Variants in SLC4A4 observed in about 807,000 individuals in gnomAD.
SLC4A4 encodes electrogenic sodium bicarbonate cotransporter 1.
In SLC4A4, 27 loss-of-function variants were observed where a neutral mutation model predicts 111.5. The ratio of observed to expected loss-of-function variants is 0.24; its 90% CI spans 0.18 to 0.33. The LOEUF is 0.33. Among genes scored for constraint, SLC4A4 ranks in the 10% least tolerant of loss-of-function variants. SLC4A4 has a pLI of 1.00. For synonymous variants in SLC4A4, 443 were observed against 463.4 expected (o/e 0.96, Z 0.57); for missense variants, 909 against 1,315.5 (o/e 0.69, Z 4.78).
chr4:71,291,317 C>G (rs564927229), intron 3 of SLC4A4, among the ~76,000 whole-genome samples: 4 of 152,042 alleles, frequency 2.6e-5, no homozygotes, highest in Non-Finnish European at 5.9e-5. Flanking sequence ...TACCCTAAAA[C>G]TTAAAGTATA....
chr4:71,380,036 G>A (rs61594597), intron 6 of SLC4A4, among the ~76,000 whole-genome samples: 3,030 of 149,694 alleles, frequency 0.02, 104 homozygotes, highest in African/African-American at 0.073. Flanking sequence ...ATGAGGTAAC[G>A]TAAACCTAGA....
chr4:71,421,663 G>A (rs1177158563), intron 7 of SLC4A4, among the ~76,000 whole-genome samples: 3 of 152,106 alleles, frequency 2.0e-5, no homozygotes. Flanking sequence ...AATCAAACTA[G>A]AACTCAGGAT....
intron 2 of SLC4A4, among the ~76,000 whole-genome samples, chr4:71,095,615 A>G (rs558689575): frequency 1.6e-4 from 25 of 152,158 alleles, no homozygotes; most frequent in Non-Finnish European, 2.8e-4. Flanking sequence ...CCTCCCTCCT[A>G]TAATTATTAA....
intron 2 of SLC4A4, among the ~76,000 whole-genome samples, chr4:71,107,613 T>C (rs1742975367): frequency 6.6e-6 from 1 of 152,192 alleles, no homozygotes; most frequent in African/African-American, 2.4e-5. Flanking sequence ...CCTCTCAAAG[T>C]GCCGGGATTA....
intron 1 of SLC4A4, among the ~76,000 whole-genome samples, chr4:71,214,394 T>C (rs77442501): frequency 0.017 from 2,615 of 152,254 alleles, 58 homozygotes; most frequent in African/African-American, 0.055. Flanking sequence ...TCAAGAAAGT[T>C]GGTGATCTCA....
At chr4:71,426,755 G>A (rs1416877085) in intron 7 of SLC4A4, among the ~76,000 whole-genome samples, 3 of 152,060 alleles carry the variant, frequency 2.0e-5, no homozygotes, top group Non-Finnish European at 4.4e-5. Flanking sequence ...CTAAAGTAAT[G>A]GAATATTAGA....
At chr4:71,466,415 A>G in intron 12 of SLC4A4, 29 bp from the exon 13 acceptor site, 1 of 1,612,890 alleles carries the variant, frequency 6.2e-7, no homozygotes, top group South Asian at 1.1e-5. Context: ...GATGTGTTTC[A>G]TTTAACATCT....
intron 20 of SLC4A4, among the ~76,000 whole-genome samples, chr4:71,552,587 G>T (rs1187288493): frequency 6.6e-6 from 1 of 151,858 alleles, no homozygotes; most frequent in Non-Finnish European, 1.5e-5. Flanking sequence ...GAAAAATTTG[G>T]TGACATGGTC....
intron 2 of SLC4A4, among the ~76,000 whole-genome samples, chr4:71,100,735 C>A (rs565654451): frequency 6.6e-6 from 1 of 152,246 alleles, no homozygotes; most frequent in Non-Finnish European, 1.5e-5. Context: ...AGGTGATAAA[C>A]AACTTCAGCA....
intron 13 of SLC4A4, among the ~76,000 whole-genome samples, chr4:71,472,421 C>T (rs953261731): frequency 2.8e-4 from 43 of 151,776 alleles, no homozygotes; most frequent in African/African-American, 1.0e-3. Context: ...AAGGTAGGGA[C>T]CATATTTTTT....
intron 6 of SLC4A4, among the ~76,000 whole-genome samples, chr4:71,368,875 C>T (rs1387399710): frequency 2.0e-5 from 3 of 152,110 alleles, no homozygotes; most frequent in African/African-American, 7.2e-5. Flanking sequence ...GGGTGCAGGG[C>T]ATGGGAGGGA....
chr4:71,368,078 T>C (rs1002606398), intron 6 of SLC4A4, among the ~76,000 whole-genome samples: 4 of 152,200 alleles, frequency 2.6e-5, no homozygotes, highest in African/African-American at 9.7e-5. Flanking sequence ...TGGCTAGATA[T>C]TTCCAACCTC....
chr4:71,300,097 C>T (rs547178401), intron 3 of SLC4A4, among the ~76,000 whole-genome samples: 1 of 152,318 alleles, frequency 6.6e-6, no homozygotes, highest in African/African-American at 2.4e-5. Context: ...TTCATCTGCA[C>T]ATCTGCAGAG....
intron 1 of SLC4A4, among the ~76,000 whole-genome samples, chr4:71,230,814 T>C (rs1300400718): frequency 6.6e-6 from 1 of 152,214 alleles, no homozygotes; most frequent in African/African-American, 2.4e-5. Flanking sequence ...GTGGATCCTC[T>C]ACACACCAGC....
At chr4:71,565,665 C>T (rs556861836) in intron 24 of SLC4A4, among the ~76,000 whole-genome samples, 1 of 151,820 alleles carries the variant, frequency 6.6e-6, no homozygotes, top group South Asian at 2.1e-4. Context: ...GTCATTTGTG[C>T]TAAGACTGTA....
chr4:71,531,421 TTTTA>T (rs1733903519), intron 16 of SLC4A4, among the ~76,000 whole-genome samples: 1 of 152,078 alleles, frequency 6.6e-6, no homozygotes, highest in South Asian at 2.1e-4. Context: ...TTGAGAAATA[TTTTA>T]TTTGACAAAA....
intron 2 of SLC4A4, among the ~76,000 whole-genome samples, chr4:71,144,221 T>C (rs2148968057): frequency 6.6e-6 from 1 of 152,346 alleles, no homozygotes; most frequent in East Asian, 1.9e-4. Flanking sequence ...CCCCATTTCT[T>C]GTTTTTGTCA....
Position 71,087,751 on chromosome 4 carries a change from T to C in SLC4A4, c.-64-4979T>C, listed in dbSNP as rs185749751. Among the ~76,000 whole-genome samples, 356 of 152,242 alleles carry C rather than the reference T, an allele frequency of 2.3e-3. 1 individual carries two copies. The highest frequency in any genetic ancestry group is 5.0e-3 in the South Asian group (24 of 4,830). ...TCTTAATCCTGAGTTCTAGTTCGAT[T>C]GCACTGTGGTCTGAGAGACTGTTTG... On this transcript the variant is annotated intron_variant, in intron 1 of 26. Transcript: ENST00000649996.
chr4:71,525,680 G>A (rs1299030016), intron 16 of SLC4A4, among the ~76,000 whole-genome samples: 1 of 152,036 alleles, frequency 6.6e-6, no homozygotes, highest in African/African-American at 2.4e-5. Context: ...CACAGGTTTG[G>A]GCATGAACTC....
Sources: allele counts gnomAD v4.1 joint callset (sites outside exome capture counted in the v4.1 genomes callset), GRCh38; gene constraint gnomAD v4.1.1; transcripts MANE v1.5; gene names NCBI Gene and HGNC (gene_info 2026-07-23, HGNC 2026-07-21).